The following OPCML variants were observed in gnomAD, a reference collection of about 807,000 sequenced individuals.
OPCML encodes opioid binding protein/cell adhesion molecule like, also known as opioid-binding protein/cell adhesion molecule.
In OPCML, 13 loss-of-function variants were observed where a neutral mutation model predicts 37.8. The observed-to-expected ratio is 0.34, with a 90% confidence interval of 0.22 to 0.55. The LOEUF (loss-of-function observed/expected upper bound fraction) is 0.55. Among genes scored for constraint, OPCML ranks in the 20% least tolerant of loss-of-function variants. The pLI is 0.91. For synonymous variants in OPCML, 176 were observed against 168.8 expected (o/e 1.04, Z -0.33); for missense variants, 341 against 435.6 (o/e 0.78, Z 1.93).
At chr11:132,718,288 T>A (rs942695815) in intron 2 of OPCML, among the ~76,000 whole-genome samples, 1 of 152,196 alleles carries the variant, frequency 6.6e-6, no homozygotes, top group African/African-American at 2.4e-5. Context: ...TCAGGTGTTA[T>A]GGTATCTGCA....
chr11:133,368,500 C>T (rs531563321), intron 1 of OPCML, among the ~76,000 whole-genome samples: 58 of 152,200 alleles, frequency 3.8e-4, no homozygotes, highest in African/African-American at 1.2e-3. Context: ...TGTCCTTATC[C>T]TCCCAAGCCT....
intron 1 of OPCML, among the ~76,000 whole-genome samples, chr11:133,369,096 G>C (rs144477640): frequency 6.6e-6 from 1 of 152,184 alleles, no homozygotes; most frequent in Non-Finnish European, 1.5e-5. Flanking sequence ...ACCAAGTGTC[G>C]AGTAATTGGA....
At chr11:132,995,053 C>CA (rs1946856791) in intron 1 of OPCML, among the ~76,000 whole-genome samples, 1 of 152,202 alleles carries the variant, frequency 6.6e-6, no homozygotes, top group Admixed American at 6.5e-5. Flanking sequence ...ACTTTCCTCT[C>CA]TACCAGGGCA....
chr11:132,542,726 G>T (rs2096359778), intron 3 of OPCML, among the ~76,000 whole-genome samples: 1 of 152,162 alleles, frequency 6.6e-6, no homozygotes, highest in African/African-American at 2.4e-5. Flanking sequence ...GGGCCCAGGG[G>T]GTGTCTCAAC....
chr11:133,458,520 A>ACACGTGTGTGTGTATATACACATAGATG (rs1946758974), intron 1 of OPCML, among the ~76,000 whole-genome samples: 1 of 108,974 alleles, frequency 9.2e-6, no homozygotes, highest in East Asian at 2.8e-4. Context: ...ACACATATAT[A>ACACGTGTGTGTGTATATACACATAGATG]CACTGTGTGT....
At chr11:132,913,232 A>T (rs1204604182) in intron 2 of OPCML, among the ~76,000 whole-genome samples, 1 of 152,242 alleles carries the variant, frequency 6.6e-6, no homozygotes, top group Non-Finnish European at 1.5e-5. Context: ...AAAATCAATG[A>T]TTTGGAGAGA....
intron 7 of OPCML, among the ~76,000 whole-genome samples, chr11:132,421,841 T>C (rs1339829207): frequency 6.6e-6 from 1 of 152,178 alleles, no homozygotes; most frequent in Non-Finnish European, 1.5e-5. Flanking sequence ...GAAATCATAC[T>C]GGCCTGCAGA....
chr11:133,070,825 G>A (rs576870941), intron 1 of OPCML, among the ~76,000 whole-genome samples: 1 of 152,306 alleles, frequency 6.6e-6, no homozygotes, highest in Admixed American at 6.5e-5. Context: ...GGGGTCAAGC[G>A]ATGTTGGTTC....
At chr11:132,885,862 CT>C (rs1335145845) in intron 2 of OPCML, among the ~76,000 whole-genome samples, 2 of 152,220 alleles carry the variant, frequency 1.3e-5, no homozygotes, top group Non-Finnish European at 2.9e-5. Context: ...CTCATTCCCC[CT>C]ATCCAGTTAA....
intron 3 of OPCML, among the ~76,000 whole-genome samples, chr11:132,635,481 C>G (rs1940432637): frequency 6.6e-6 from 1 of 151,436 alleles, no homozygotes; most frequent in African/African-American, 2.4e-5. Context: ...ATTTTTTTCC[C>G]CAGTCTACCT....
At chr11:132,553,910 A>G (rs967452357) in intron 3 of OPCML, among the ~76,000 whole-genome samples, 6 of 152,198 alleles carry the variant, frequency 3.9e-5, no homozygotes, top group African/African-American at 1.4e-4. Flanking sequence ...GAGAAAAGAT[A>G]TTAATTTGGA....
intron 1 of OPCML, among the ~76,000 whole-genome samples, chr11:133,231,101 T>G (rs890643978): frequency 2.0e-5 from 3 of 152,188 alleles, no homozygotes; most frequent in Non-Finnish European, 4.4e-5. Context: ...TGAGAAGCAA[T>G]GCAAGGTCAT....
intron 1 of OPCML, among the ~76,000 whole-genome samples, chr11:133,236,798 T>G (rs968344678): frequency 1.3e-5 from 2 of 152,240 alleles, no homozygotes; most frequent in African/African-American, 4.8e-5. Context: ...TCCTCTACTT[T>G]TGCCTCTTTT....
intron 1 of OPCML, among the ~76,000 whole-genome samples, chr11:133,390,985 A>AACGGCTCCAATCACAC (rs1472401270): frequency 6.6e-6 from 1 of 151,518 alleles, no homozygotes; most frequent in African/African-American, 2.4e-5. Flanking sequence ...CTTAAAAACA[A>AACGGCTCCAATCACAC]ACGGCTCCAA....
At position 132,782,626 on chromosome 11, in the gene OPCML, C is replaced by T. The variant is rs563073107; in HGVS notation, c.147-125307G>A. ...GGAGATATAAAATATAAATGACTTG[C>T]CAATTCTGCCCCAACTTCTCAGAAG... On this transcript the variant is annotated intron_variant, in intron 2 of 7. Coordinates refer to ENST00000524381, the MANE Select transcript of OPCML (RefSeq NM_001012393.5). 1.4e-4 allele frequency among the ~76,000 whole-genome samples: 22 copies of T among 152,032 alleles called. No homozygotes were observed. In the South Asian group the frequency reaches 4.6e-3, roughly 32 times the overall value.
intron 2 of OPCML, among the ~76,000 whole-genome samples, chr11:132,931,107 T>C (rs111253548): frequency 1.1e-3 from 169 of 152,018 alleles, no homozygotes; most frequent in African/African-American, 3.9e-3. Context: ...AAACTGGATA[T>C]TGACATACAA....
At chr11:132,565,542 T>C (rs147118189) in intron 3 of OPCML, among the ~76,000 whole-genome samples, 20 of 152,256 alleles carry the variant, frequency 1.3e-4, no homozygotes, top group Admixed American at 7.2e-4. Context: ...GACTCAACCA[T>C]GTATCAGGCT....
chr11:133,100,646 C>T (rs1225643236), intron 1 of OPCML, among the ~76,000 whole-genome samples: 1 of 151,982 alleles, frequency 6.6e-6, no homozygotes, highest in East Asian at 1.9e-4. Context: ...AATAGAGAGC[C>T]CAGAAATAGG....
intron 2 of OPCML, among the ~76,000 whole-genome samples, chr11:132,669,065 A>G (rs1942345128): frequency 6.6e-6 from 1 of 152,086 alleles, no homozygotes; most frequent in Non-Finnish European, 1.5e-5. Context: ...GAAATGCTGT[A>G]TTTCTAAAAA....
Sources: allele counts gnomAD v4.1 joint callset (sites outside exome capture counted in the v4.1 genomes callset), GRCh38; gene constraint gnomAD v4.1.1; transcripts MANE v1.5; gene names NCBI Gene and HGNC (gene_info 2026-07-23, HGNC 2026-07-21).